NAV2: variants seen among roughly 807,000 people sequenced by gnomAD.
NAV2 encodes the protein neuron navigator 2.
A neutral mutation model predicts 223.2 loss-of-function variants in NAV2; 54 were observed. The ratio of observed to expected loss-of-function variants is 0.24; its 90% CI spans 0.19 to 0.30. The LOEUF is 0.30. Among genes scored for constraint, NAV2 ranks in the 10% least tolerant of loss-of-function variants. The pLI is 1.00. For missense variants in NAV2, 2,806 were observed against 3,147.5 expected (o/e 0.89, Z 2.60); for synonymous variants, 1,279 against 1,239.3 (o/e 1.03, Z -0.67).
intron 1 of NAV2, among the ~76,000 whole-genome samples, chr11:19,608,667 C>T (rs546236929): frequency 5.9e-5 from 9 of 152,364 alleles, no homozygotes; most frequent in Admixed American, 3.3e-4. Context: ...CATTAGGAAA[C>T]GGAAATACTC....
intron 11 of NAV2, among the ~76,000 whole-genome samples, chr11:20,016,497 C>T (rs1406817647): frequency 6.6e-6 from 1 of 152,158 alleles, no homozygotes; most frequent in Non-Finnish European, 1.5e-5. Flanking sequence ...CAACAATTAA[C>T]CAACAAAAGG....
intron 1 of NAV2, among the ~76,000 whole-genome samples, chr11:19,415,456 C>G (rs1264110815): frequency 6.6e-6 from 1 of 152,138 alleles, no homozygotes. Flanking sequence ...TAATTAATAG[C>G]CTACCAACTA....
intron 11 of NAV2, among the ~76,000 whole-genome samples, chr11:19,997,375 ACTCATGAGAG>A (rs2052009667): frequency 6.6e-6 from 1 of 152,146 alleles, no homozygotes; most frequent in Non-Finnish European, 1.5e-5. Flanking sequence ...TGTGGTAGCA[ACTCATGAGAG>A]CTCTGGGTAC....
chr11:19,765,378 T>C (rs866021434), intron 1 of NAV2, among the ~76,000 whole-genome samples: 2 of 144,240 alleles, frequency 1.4e-5, no homozygotes, highest in African/African-American at 2.7e-5. Context: ...TCTTCCCTTC[T>C]TTCCTTCCTT....
chr11:20,032,951 A>T (rs1408443711), intron 11 of NAV2, among the ~76,000 whole-genome samples: 3 of 152,230 alleles, frequency 2.0e-5, no homozygotes, highest in African/African-American at 7.2e-5. Flanking sequence ...TCACGGCCTC[A>T]GTTTCTTCAT....
intron 1 of NAV2, among the ~76,000 whole-genome samples, chr11:19,661,885 G>A (rs1425080441): frequency 6.6e-6 from 1 of 152,214 alleles, no homozygotes; most frequent in African/African-American, 2.4e-5. Flanking sequence ...TTAATTAGTG[G>A]TAGAAGTCAA....
intron 1 of NAV2, among the ~76,000 whole-genome samples, chr11:19,719,893 G>C (rs184485987): frequency 6.6e-6 from 1 of 152,224 alleles, no homozygotes; most frequent in Non-Finnish European, 1.5e-5. Flanking sequence ...AAACTTGTGG[G>C]AAGCTTCCTT....
chr11:19,959,039 A>G (rs1170995989), intron 10 of NAV2, among the ~76,000 whole-genome samples: 1 of 152,136 alleles, frequency 6.6e-6, no homozygotes, highest in East Asian at 1.9e-4. Context: ...GGAGACAGAG[A>G]AGATAAGGAT....
intron 1 of NAV2, among the ~76,000 whole-genome samples, chr11:19,635,543 G>A (rs2047472272): frequency 6.6e-6 from 1 of 152,272 alleles, no homozygotes; most frequent in African/African-American, 2.4e-5. Context: ...AGCTGCATCT[G>A]GTAAGGGTTT....
rs1401636928 is a variant in NAV2, at chr11:20,092,363, G to A, written c.5810G>A (p.Ser1937Asn). 1 of 1,611,166 alleles carries A rather than the reference G, an allele frequency of 6.2e-7. No homozygotes were observed. The highest frequency in any genetic ancestry group is 8.5e-7 in the Non-Finnish European group (1 of 1,177,644). The change falls in exon 28 of 38, where the codon AGC (serine) becomes AAC (asparagine). Residue 1937 changes from serine (S) to asparagine (N), a missense_variant. Physicochemically the swap from Ser to Asn is conservative, Grantham distance 46. Coordinates refer to ENST00000349880, the MANE Select transcript of NAV2 (RefSeq NM_145117.5). ...AGCTTGAACCTCACTGAGTCAACCA[G>A]CCTGGGTGAGTGGCCTACAGGGTTT... Reference protein sequence around the residue: ...QHSLNLTESTSLDMLLDDTGE... With the variant: ...QHSLNLTESTNLDMLLDDTGE...
At chr11:20,049,321 T>C (rs2153598533) in intron 15 of NAV2, 126 bp downstream of exon 15, 4 of 737,736 alleles carry the variant, frequency 5.4e-6, no homozygotes, top group Non-Finnish European at 8.7e-6. Flanking sequence ...TAATTACTGC[T>C]GTCTTTCATG....
chr11:20,044,440 A>G, intron 13 of NAV2, 168 bp downstream of exon 13: 1 of 676,470 alleles, frequency 1.5e-6, no homozygotes, highest in Non-Finnish European at 2.4e-6. Flanking sequence ...AGTGGAAATA[A>G]GTAAGCATGG....
chr11:19,970,953 G>A (rs1055293193), intron 10 of NAV2, among the ~76,000 whole-genome samples: 3 of 152,150 alleles, frequency 2.0e-5, no homozygotes, highest in African/African-American at 7.2e-5. Context: ...CACTTAAAAT[G>A]AGGTTTTAGA....
chr11:19,762,815 T>C (rs1366180721), intron 1 of NAV2, among the ~76,000 whole-genome samples: 1 of 152,068 alleles, frequency 6.6e-6, no homozygotes, highest in African/African-American at 2.4e-5. Flanking sequence ...GGTTTCACCA[T>C]GTTAGCCAGG....
At chr11:19,910,086 A>G (rs1163303847) in intron 6 of NAV2, among the ~76,000 whole-genome samples, 1 of 152,098 alleles carries the variant, frequency 6.6e-6, no homozygotes, top group Non-Finnish European at 1.5e-5. Context: ...TTAATCCCTC[A>G]CATCACTACT....
chr11:19,967,484 G>T (rs1178674120), intron 10 of NAV2, among the ~76,000 whole-genome samples: 1 of 152,112 alleles, frequency 6.6e-6, no homozygotes, highest in Non-Finnish European at 1.5e-5. Context: ...ACAAATATTG[G>T]CTTGGCATGG....
chr11:19,433,200 C>T (rs1380907444), intron 1 of NAV2, among the ~76,000 whole-genome samples: 2 of 152,138 alleles, frequency 1.3e-5, no homozygotes, highest in African/African-American at 4.8e-5. Flanking sequence ...CTCTAAAGGG[C>T]AGATACAGGA....
At chr11:19,570,959 A>G (rs1007378423) in intron 1 of NAV2, among the ~76,000 whole-genome samples, 6 of 152,222 alleles carry the variant, frequency 3.9e-5, no homozygotes, top group African/African-American at 1.4e-4. Context: ...AGAATTGAGA[A>G]CAAGTGTTTA....
intron 2 of NAV2, among the ~76,000 whole-genome samples, chr11:19,836,147 C>CGGG (rs750135031): frequency 3.7e-4 from 57 of 152,156 alleles, no homozygotes; most frequent in Non-Finnish European, 7.9e-4. Context: ...CCGAATGTTT[C>CGGG]CCCTTCTCAA....
Sources: gnomAD v4.1 joint callset for allele counts (sites outside exome capture counted in the v4.1 genomes callset) on GRCh38, gnomAD v4.1.1 for gene constraint, MANE v1.5 for transcripts, NCBI Gene and HGNC (gene_info 2026-07-23, HGNC 2026-07-21) for gene names.